Variants in CSF1R observed in about 807,000 individuals in gnomAD.
CSF1R encodes the protein macrophage colony-stimulating factor 1 receptor.
Under a neutral mutation model 110.0 loss-of-function variants are expected in CSF1R, and 40 were observed. The observed-to-expected ratio is 0.36, with a 90% CI of 0.28 to 0.47. The LOEUF is 0.47. Ranked by LOEUF, CSF1R falls within the 20% of genes least tolerant of loss-of-function variation. The probability of loss-of-function intolerance (pLI) is 0.99; values close to 1 mark genes in which losing one functional copy is unlikely to be tolerated. For synonymous variants in CSF1R, 523 were observed against 503.4 expected (o/e 1.04, Z -0.52); for missense variants, 1,052 against 1,253.0 (o/e 0.84, Z 2.42).
In CSF1R at chr5:150,070,322, G is replaced by T; in HGVS notation, c.1199-20C>A. 1.2e-6 allele frequency: 2 copies of T among 1,611,274 alleles called. No individual in the cohort carries two copies. Among genetic ancestry groups the T allele is most frequent in the Non-Finnish European group, 1.7e-6 (2 of 1,178,306 alleles). On this transcript the variant is annotated intron_variant, in intron 7 of 20. Transcript: ENST00000675795. Reference sequence around the variant, plus strand: ...GGGGGTCTGAGGAAGAAAGGAGGAGGCCCCAAGTCACACTTTCCCCGCCAC... The same window carrying T: ...GGGGGTCTGAGGAAGAAAGGAGGAGTCCCCAAGTCACACTTTCCCCGCCAC...
intron 1 of CSF1R, among the ~76,000 whole-genome samples, chr5:150,100,929 A>G (rs1378634113): frequency 1.3e-5 from 2 of 152,232 alleles, no homozygotes; most frequent in Non-Finnish European, 2.9e-5. Flanking sequence ...GCTTGGTTAC[A>G]TGGTGGCAAA....
In CSF1R at chr5:150,061,528, C is replaced by G; in HGVS notation, c.1821G>C (p.Glu607Asp). 2 of 1,606,574 alleles carry G rather than the reference C, an allele frequency of 1.2e-6. No homozygotes were observed. The highest frequency in any genetic ancestry group is 1.7e-6 in the Non-Finnish European group (2 of 1,175,362). The change falls in exon 12 of 21, where the codon GAG (glutamate) becomes GAC (aspartate). Residue 607 changes from glutamate to aspartate, a missense_variant. Around this residue, in one of 5 missense-constraint regions of CSF1R, gnomAD observed 76 missense variants for 133.6 expected, o/e 0.57. Coordinates refer to ENST00000675795, the MANE Select transcript of CSF1R (RefSeq NM_001288705.3). ...VEATAFGLGK[E>D]DAVLKVAVKM... ...TCACAGCCACCTTCAGGACAGCATC[C>G]TCCTTGCCCAGACCAAAGGCCGTGG...
intron 16 of CSF1R, 67 bp downstream of exon 16, chr5:150,057,220 T>A: frequency 5.0e-6 from 7 of 1,403,514 alleles, no homozygotes; most frequent in Non-Finnish European, 7.0e-6. Flanking sequence ...CTCCCCATCG[T>A]CACTCATCCA....
At chr5:150,076,043 C>T (rs549865978) in intron 5 of CSF1R, among the ~76,000 whole-genome samples, 22 of 152,356 alleles carry the variant, frequency 1.4e-4, no homozygotes, top group East Asian at 1.3e-3. Flanking sequence ...GCTCCCACTC[C>T]GATGAGCTGC....
intron 10 of CSF1R, among the ~76,000 whole-genome samples, chr5:150,062,306 T>C (rs978369386): frequency 6.8e-6 from 1 of 146,796 alleles, no homozygotes; most frequent in African/African-American, 2.5e-5. Context: ...ATTTCAACCA[T>C]TTTTAAGTGT....
chr5:150,112,724 T>C (rs1371904720), intron 1 of CSF1R, among the ~76,000 whole-genome samples: 1 of 152,174 alleles, frequency 6.6e-6, no homozygotes, highest in Non-Finnish European at 1.5e-5. Flanking sequence ...GGCCAGGCCT[T>C]ATAGCCGTCG....
At chr5:150,080,482 C>T (rs1327814315) in intron 2 of CSF1R, 146 bp from the exon 3 acceptor site, 7 of 1,163,890 alleles carry the variant, frequency 6.0e-6, no homozygotes, top group African/African-American at 1.5e-5. Context: ...GATGCTTCAG[C>T]GTGGTGGCTC....
intron 20 of CSF1R, 30 bp downstream of exon 20, chr5:150,054,292 G>A (rs2113773484): frequency 1.2e-6 from 2 of 1,613,946 alleles, no homozygotes. Context: ...TGCTTTACCG[G>A]CCACCCACCC....
At chr5:150,057,238 C>T (rs373100109) in intron 16 of CSF1R, 49 bp downstream of exon 16, 9 of 1,542,750 alleles carry the variant, frequency 5.8e-6, no homozygotes, top group South Asian at 3.4e-5. Flanking sequence ...CCAGCCTCCC[C>T]GGAGCACAGA....
At chr5:150,081,763 G>A (rs756048361) in intron 1 of CSF1R, among the ~76,000 whole-genome samples, 1 of 152,132 alleles carries the variant, frequency 6.6e-6, no homozygotes, top group Non-Finnish European at 1.5e-5. Context: ...AGCTCACCCC[G>A]GCACCCCCAC....
intron 1 of CSF1R, among the ~76,000 whole-genome samples, chr5:150,091,577 G>C (rs2113852346): frequency 6.6e-6 from 1 of 152,262 alleles, no homozygotes; most frequent in Non-Finnish European, 1.5e-5. Flanking sequence ...GAGGCAGACG[G>C]TTGACGAGTG....
rs77245650 is a variant in CSF1R at position 150,079,606 on chromosome 5, T to C, written c.592+446A>G. 2.9e-4 allele frequency among the ~76,000 whole-genome samples: 44 copies of C among 152,312 alleles called. No homozygotes were observed. The East Asian group carries it at 8.1e-3, about 28-fold the overall frequency. On this transcript the variant is annotated intron_variant, in intron 3 of 20. Transcript: ENST00000675795. ...GTCTGAGGCTGAGCTTCCGTCCTCT[T>C]TCCATACCTAGAACATTCAGAGCCT... is the stretch of plus-strand genomic sequence containing the variant.
At chr5:150,059,133 C>T (rs1050122130) in intron 14 of CSF1R, among the ~76,000 whole-genome samples, 46 of 152,160 alleles carry the variant, frequency 3.0e-4, no homozygotes, top group Admixed American at 1.6e-3. Flanking sequence ...CAACCTCTGC[C>T]TCCTGGGTTC....
intron 14 of CSF1R, among the ~76,000 whole-genome samples, chr5:150,059,241 A>G (rs1354815440): frequency 6.6e-6 from 1 of 151,768 alleles, no homozygotes; most frequent in Non-Finnish European, 1.5e-5. Flanking sequence ...ACGGGGTTTC[A>G]CCTTGTTGGT....
intron 3 of CSF1R, among the ~76,000 whole-genome samples, chr5:150,079,638 A>C (rs1758432338): frequency 6.6e-6 from 1 of 152,034 alleles, no homozygotes; most frequent in Non-Finnish European, 1.5e-5. Flanking sequence ...GCCTGTCCCC[A>C]CCTCACCACT....
At chr5:150,061,698 G>A (rs1157946489) in intron 11 of CSF1R, 25 bp downstream of exon 11, 2 of 1,614,232 alleles carry the variant, frequency 1.2e-6, no homozygotes, top group East Asian at 2.2e-5. Context: ...ATAGGAAGCT[G>A]TGGAGTGATG....
intron 1 of CSF1R, among the ~76,000 whole-genome samples, chr5:150,101,454 T>G (rs1398600300): frequency 6.6e-6 from 1 of 152,116 alleles, no homozygotes; most frequent in Non-Finnish European, 1.5e-5. Flanking sequence ...AGCTAACTGA[T>G]AGAGTGAGCT....
At position 150,054,109 on chromosome 5, in the gene CSF1R, G is replaced by A. The variant is rs776645465; in HGVS notation, c.2879C>T (p.Ala960Val). The A allele has an allele frequency of 6.2e-7, 1 of 1,614,128 alleles. No individual in the cohort carries two copies. The highest frequency in any genetic ancestry group is 8.5e-7 in the Non-Finnish European group (1 of 1,180,010). ...GTTGTTGGGCTGCAGCAAGGGCTGG[G>A]CGATATCCCCTTGCTCGCAGCAGGT... ...HLTCCEQGDI[A>V]QPLLQPNNYQ... The change falls in exon 21 of 21, where the codon GCC becomes GTC. Residue 960 changes from alanine (A) to valine (V), a missense_variant. Physicochemically the swap from Ala to Val is moderately conservative, Grantham distance 64 (BLOSUM62 0). Coordinates refer to ENST00000675795, the MANE Select transcript of CSF1R (RefSeq NM_001288705.3).
At chr5:150,111,269 C>G (rs951835273) in intron 1 of CSF1R, among the ~76,000 whole-genome samples, 2 of 152,108 alleles carry the variant, frequency 1.3e-5, no homozygotes, top group Admixed American at 6.5e-5. Flanking sequence ...GAACAAGAAC[C>G]CCGGCCGTGA....
Sources: allele counts gnomAD v4.1 joint callset (sites outside exome capture counted in the v4.1 genomes callset), GRCh38; gene constraint gnomAD v4.1.1; regional missense constraint gnomAD v4.1.1; transcripts MANE v1.5; gene names NCBI Gene and HGNC (gene_info 2026-07-23, HGNC 2026-07-21).